The following LINGO1 variants were observed in gnomAD, a reference collection of about 807,000 sequenced individuals.
The protein encoded by LINGO1 is leucine-rich repeat and immunoglobulin-like domain-containing nogo receptor-interacting protein 1.
A neutral mutation model predicts 37.3 loss-of-function variants in LINGO1; 11 were observed. The ratio of observed to expected loss-of-function variants is 0.29; its 90% confidence interval spans 0.19 to 0.49. LINGO1 has a LOEUF of 0.49. Among genes scored for constraint, LINGO1 ranks in the 20% least tolerant of loss-of-function variants. The pLI is 0.99. For synonymous variants in LINGO1, 387 were observed against 403.0 expected (o/e 0.96, Z 0.48); for missense variants, 585 against 878.2 (o/e 0.67, Z 4.22).
intron 1 of LINGO1, among the ~76,000 whole-genome samples, chr15:77,746,768 T>TG (rs1457524980): frequency 6.6e-6 from 1 of 152,122 alleles, no homozygotes; most frequent in African/African-American, 2.4e-5. Context: ...CCAGGTGAAC[T>TG]GGGGGGTGTA....
At chr15:77,817,744 C>T (rs2077059917) in intron 1 of LINGO1, among the ~76,000 whole-genome samples, 1 of 152,156 alleles carries the variant, frequency 6.6e-6, no homozygotes, top group African/African-American at 2.4e-5. Context: ...TCACCAAAGA[C>T]CAGGGTCAGC....
chr15:77,628,471 G>T (rs111326699), intron 1 of LINGO1, among the ~76,000 whole-genome samples: 1 of 152,142 alleles, frequency 6.6e-6, no homozygotes, highest in Non-Finnish European at 1.5e-5. Context: ...CACAGTTCAT[G>T]CTCTTTTTAT....
intron 2 of LINGO1, among the ~76,000 whole-genome samples, chr15:77,708,055 A>G (rs2075873912): frequency 6.6e-6 from 1 of 152,202 alleles, no homozygotes; most frequent in South Asian, 2.1e-4. Flanking sequence ...GCACAAGGTA[A>G]TTACAGTTCT....
intron 1 of LINGO1, among the ~76,000 whole-genome samples, chr15:77,807,895 C>T (rs1367336589): frequency 1.3e-5 from 2 of 152,052 alleles, no homozygotes; most frequent in Admixed American, 1.3e-4. Flanking sequence ...CTTCCAGCAG[C>T]AGAGATGGTG....
At chr15:77,819,519 A>T (rs1162623413) in intron 1 of LINGO1, 4 of 151,680 alleles carry the variant, frequency 2.6e-5, no homozygotes, top group East Asian at 2.0e-4. Flanking sequence ...GCTCGCCACG[A>T]TGCGATGCCG....
intron 1 of LINGO1, among the ~76,000 whole-genome samples, chr15:77,617,886 A>C (rs1224532912): frequency 6.6e-6 from 1 of 152,196 alleles, no homozygotes; most frequent in Admixed American, 6.5e-5. Context: ...TGGAATCTGC[A>C]AGGGTTCTGT....
upstream of LINGO1, among the ~76,000 whole-genome samples, chr15:77,637,477 G>T (rs577325304): frequency 1.3e-5 from 2 of 152,096 alleles, no homozygotes; most frequent in Non-Finnish European, 2.9e-5. The surrounding 1 kb of genome is among the most constrained non-coding windows in gnomAD (Gnocchi z 4.6). Flanking sequence ...CCTTCCCCTC[G>T]GGCGGGGCTG....
At chr15:77,728,823 C>G (rs980197839) in intron 2 of LINGO1, among the ~76,000 whole-genome samples, 10 of 152,238 alleles carry the variant, frequency 6.6e-5, no homozygotes, top group Non-Finnish European at 1.2e-4. Flanking sequence ...TCTGTAGAAA[C>G]AGCTCATGGA....
rs115536190 is a variant in LINGO1 at position 77,785,753 on chromosome 15, C to T, written c.-257+1116G>A. On this transcript the variant is annotated intron_variant, in intron 1 of 3. Transcript: ENST00000561686. ...CACCCCCAGCTTCCCCAAATCCTCC[C>T]GAGCTCTAAGGACCAGACACCTCCA... Among the ~76,000 whole-genome samples, 832 of 152,250 alleles carry T rather than the reference C, an allele frequency of 5.5e-3. 7 individuals carry two copies. Among genetic ancestry groups the T allele is most frequent in the African/African-American group, 0.019 (785 of 41,532 alleles).
In LINGO1 at chr15:77,630,348, GCAC is replaced by G. The variant is rs1378239238; in HGVS notation, c.6+1959_6+1961del. Among the ~76,000 whole-genome samples the G allele has an allele frequency of 4.6e-5, 7 of 152,302 alleles. No homozygotes were observed. The East Asian group carries it at 9.6e-4, about 21-fold the overall frequency. ...TGCGGCTGAAGGCGCCTGAAGAGCA[GCAC>G]CACACATGAGCCCTCACCGGCACCA... On this transcript the variant is annotated intron_variant, in intron 1 of 1. Coordinates refer to ENST00000355300, the MANE Select transcript of LINGO1 (RefSeq NM_032808.7).
At chr15:77,628,055 C>T (rs1464027268) in intron 1 of LINGO1, among the ~76,000 whole-genome samples, 4 of 152,234 alleles carry the variant, frequency 2.6e-5, no homozygotes, top group African/African-American at 9.6e-5. Flanking sequence ...AGGCCCCTGA[C>T]AATACCGAGT....
chr15:77,801,936 C>T (rs931395810), intron 1 of LINGO1, among the ~76,000 whole-genome samples: 1 of 152,180 alleles, frequency 6.6e-6, no homozygotes, highest in Non-Finnish European at 1.5e-5. Flanking sequence ...CCAGAAAACC[C>T]TGAGATGGTC....
At chr15:77,818,178 A>G (rs1004900001) in intron 1 of LINGO1, among the ~76,000 whole-genome samples, 1 of 152,162 alleles carries the variant, frequency 6.6e-6, no homozygotes, top group Non-Finnish European at 1.5e-5. Flanking sequence ...CTAGAGGAGG[A>G]AAAACCTGCC....
chr15:77,614,837 G>A lies in LINGO1; in HGVS notation c.1070C>T (p.Ser357Leu), dbSNP rs753336987. The change falls in exon 2 of 2, where the codon TCG becomes TTG. Residue 357 changes from serine to leucine, a missense_variant. This residue lies in a region of LINGO1 where 484 missense variants were observed against 735.0 expected (regional missense o/e 0.66). Transcript: ENST00000355300. The stretch of plus-strand genomic sequence containing the variant: ...GATGAGTGTCTCCAGGTTGCCCACC[G>A]AGTGGAAGACTGATTCCTCCAGTGT... ...LTTLEESVFHSVGNLETLILD... is the reference protein window; with the variant it reads ...LTTLEESVFHLVGNLETLILD... 9 of 1,613,206 alleles carry A rather than the reference G, an allele frequency of 5.6e-6. No individual in the cohort carries two copies. Among genetic ancestry groups the A allele is most frequent in the Admixed American group, 1.7e-5 (1 of 59,900 alleles).
At chr15:77,799,559 G>A (rs1010040106) in intron 1 of LINGO1, among the ~76,000 whole-genome samples, 1 of 152,170 alleles carries the variant, frequency 6.6e-6, no homozygotes, top group Non-Finnish European at 1.5e-5. Flanking sequence ...CAAAGAATGT[G>A]GGCCCCAGAC....
At chr15:77,769,573 G>C (rs2076563471) in intron 1 of LINGO1, among the ~76,000 whole-genome samples, 1 of 152,180 alleles carries the variant, frequency 6.6e-6, no homozygotes, top group South Asian at 2.1e-4. Context: ...GTTGAGCTGG[G>C]CAATGTCGAA....
intron 2 of LINGO1, among the ~76,000 whole-genome samples, chr15:77,730,078 G>A (rs193295874): frequency 2.1e-4 from 32 of 152,048 alleles, no homozygotes; most frequent in Admixed American, 2.0e-3. Context: ...GAGCGTTGTG[G>A]GGGGAGTAGG....
intron 2 of LINGO1, among the ~76,000 whole-genome samples, chr15:77,679,754 T>C (rs569461751): frequency 2.6e-5 from 4 of 152,314 alleles, no homozygotes; most frequent in African/African-American, 9.6e-5. Flanking sequence ...GTAAACTCTG[T>C]ATCTGGAAGC....
chr15:77,746,241 A>G lies in LINGO1; in HGVS notation c.-256-11188T>C, dbSNP rs779006203. Reference sequence around the variant, plus strand: ...AAAAAAAAAAAAATGAACTGGGGACAGGATCAATCAGTCAGTCAATAAACA... The same window carrying G: ...AAAAAAAAAAAAATGAACTGGGGACGGGATCAATCAGTCAGTCAATAAACA... On this transcript the variant is annotated intron_variant, in intron 1 of 3. Transcript: ENST00000561686. Among the ~76,000 whole-genome samples the G allele has an allele frequency of 1.5e-3, 221 of 151,496 alleles. 1 individual carries two copies. Among genetic ancestry groups the G allele is most frequent in the Non-Finnish European group, 1.9e-3 (129 of 67,902 alleles).
Sources: gnomAD v4.1 joint callset for allele counts (sites outside exome capture counted in the v4.1 genomes callset) on GRCh38, gnomAD v4.1.1 for gene constraint, gnomAD v4.1.1 regional missense constraint, Gnocchi (gnomAD v3.1) non-coding constraint, MANE v1.5 for transcripts, NCBI Gene and HGNC (gene_info 2026-07-23, HGNC 2026-07-21) for gene names.